The following FAH variants were observed in gnomAD, a reference collection of about 807,000 sequenced individuals.
FAH encodes the protein fumarylacetoacetase.
FAH carries 47 observed loss-of-function variants against 55.8 expected under a neutral mutation model. The ratio of observed to expected loss-of-function variants is 0.84; its 90% CI spans 0.67 to 1.07. The LOEUF (loss-of-function observed/expected upper bound fraction) is 1.07. FAH is among the 50% of genes least tolerant of loss of function. The pLI is 0.00. For missense variants in FAH, 495 were observed against 545.9 expected (o/e 0.91, Z 0.93); for synonymous variants, 199 against 207.7 (o/e 0.96, Z 0.36).
intron 1 of FAH, 77 bp downstream of exon 1, chr15:80,153,212 GGAATGGAGTGGAAT>G: frequency 8.7e-7 from 1 of 1,147,784 alleles, no homozygotes; most frequent in East Asian, 2.4e-5. Flanking sequence ...GGAGTGGAGT[GGAATGGAGTGGAAT>G]GAGGGGCGGG....
At chr15:80,178,606 A>T (rs1392225763) in intron 11 of FAH, among the ~76,000 whole-genome samples, 1 of 143,164 alleles carries the variant, frequency 7.0e-6, no homozygotes. Flanking sequence ...TTTTTTTGAG[A>T]TGGAGTCTCG....
rs528242542 is a variant in FAH, at chr15:80,179,209, G to T, written c.961-915G>T. 7.9e-5 allele frequency among the ~76,000 whole-genome samples: 12 copies of T among 152,282 alleles called. No homozygotes were observed. The South Asian group carries it at 2.5e-3, about 32-fold the overall frequency. On this transcript the variant is annotated intron_variant, in intron 11 of 13. Coordinates refer to ENST00000561421, the MANE Select transcript of FAH (RefSeq NM_000137.4). ...GTGTTTGCCTTTTCGTTCAAACCGT[G>T]CCTGGGATTGTGACTTCAGTTTGCA...
intron 13 of FAH, among the ~76,000 whole-genome samples, chr15:80,185,110 A>G (rs1262338536): frequency 6.6e-6 from 1 of 152,184 alleles, no homozygotes; most frequent in Non-Finnish European, 1.5e-5. Context: ...ATTTCACTGA[A>G]ATATTTAGTC....
At chr15:80,173,406 G>C (rs1029002949) in intron 9 of FAH, 2 of 564,120 alleles carry the variant, frequency 3.5e-6, no homozygotes, top group Non-Finnish European at 6.4e-6. Flanking sequence ...AATCTTGCAA[G>C]ACCCGGGGGA....
chr15:80,177,312 T>C (rs1369702561), intron 10 of FAH: 2 of 582,806 alleles, frequency 3.4e-6, no homozygotes, highest in South Asian at 2.0e-5. Context: ...GATCAATTAA[T>C]GCTGCCTGCT....
intron 12 of FAH, 132 bp from the exon 13 acceptor site, chr15:80,180,910 C>T (rs555718259): frequency 3.7e-5 from 26 of 706,448 alleles, no homozygotes; most frequent in Non-Finnish European, 5.9e-5. Context: ...CCACCAAGGC[C>T]GAGGCAGGGT....
chr15:80,177,535 A>T lies in FAH; in HGVS notation c.914-2A>T. 2.5e-6 allele frequency: 4 copies of T among 1,613,738 alleles called. No individual in the cohort carries two copies. Among genetic ancestry groups the T allele is most frequent in the Non-Finnish European group, 3.4e-6 (4 of 1,179,592 alleles). On this transcript the variant is annotated splice_acceptor_variant, in intron 10 of 13. Transcript: ENST00000561421. LOFTEE classifies it high-confidence loss of function. ...CATCAATATTGCTTTTCTTTCCAACAGGAGAAGGAATGAGCCAGGCGGCTA... is the reference window on the plus strand; with the variant it reads ...CATCAATATTGCTTTTCTTTCCAACTGGAGAAGGAATGAGCCAGGCGGCTA...
rs774774261 is a variant in FAH, at chr15:80,173,135, C to T, written c.828C>T (p.Asn276=). 1.9e-6 allele frequency: 3 copies of T among 1,614,112 alleles called. No individual in the cohort carries two copies. The highest frequency in any genetic ancestry group is 1.7e-6 in the Non-Finnish European group (2 of 1,180,054). The change falls in exon 9 of 14, where the codon AAC becomes AAT. Residue 276 remains asparagine (N), a synonymous_variant. Transcript: ENST00000561421. ...MDALMPFAVP[N]PKQDPRPLPY... is the part of the protein sequence containing the mutation. ...CTCTCATGCCCTTTGCTGTGCCCAA[C>T]CCGAAGCAGGTAAGCACATTCTCTG...
chr15:80,169,131 C>T (rs2041219544), intron 7 of FAH, among the ~76,000 whole-genome samples: 1 of 152,064 alleles, frequency 6.6e-6, no homozygotes, highest in Non-Finnish European at 1.5e-5. Context: ...ACCTGTAATC[C>T]CAGCACTTTG....
In FAH at chr15:80,158,167, T is replaced by C; in HGVS notation, c.189T>C (p.Asn63=). The change falls in exon 2 of 14, where the codon AAT becomes AAC. Residue 63 remains asparagine (N), a synonymous_variant. Coordinates refer to ENST00000561421, the MANE Select transcript of FAH (RefSeq NM_000137.4). ...TCTCCAAACACCAGGATGTCTTCAA[T>C]CAGGTAGGACATTGTGAAACGACTT... The part of the protein sequence containing the change: ...PVLSKHQDVF[N]QPTLNSFMGL... 2.5e-6 allele frequency: 4 copies of C among 1,608,614 alleles called. No individual in the cohort carries two copies. In the South Asian group the frequency reaches 4.4e-5, roughly 18 times the overall value.
In FAH at chr15:80,186,199, T is replaced by G. The variant is rs1354647716; in HGVS notation, c.1250T>G (p.Leu417Arg). ...GCTGGAAAAGTGCTGCCTGCTCTCC[T>G]GCCATCATGAGATTTTCTCTGCTCT... Reference protein sequence around the residue: ...QCAGKVLPALLPS With the variant: ...QCAGKVLPALRPS The change falls in exon 14 of 14, where the codon CTG becomes CGG. Residue 417 changes from leucine (L) to arginine (R), a missense_variant. By Grantham distance (102) the Leu-to-Arg change is moderately radical. Coordinates refer to ENST00000561421, the MANE Select transcript of FAH (RefSeq NM_000137.4). 8 of 1,613,894 alleles carry G rather than the reference T, an allele frequency of 5.0e-6. No homozygotes were observed. Among genetic ancestry groups the G allele is most frequent in the Non-Finnish European group, 6.8e-6 (8 of 1,179,734 alleles).
intron 3 of FAH, 114 bp from the exon 4 acceptor site, chr15:80,160,296 G>T (rs1391237095): frequency 4.2e-5 from 46 of 1,091,110 alleles, no homozygotes; most frequent in Admixed American, 8.5e-5. Context: ...AGGCCAGCCA[G>T]AAGGTGCCCA....
intron 7 of FAH, among the ~76,000 whole-genome samples, chr15:80,168,947 A>T (rs2041218564): frequency 6.6e-6 from 1 of 152,220 alleles, no homozygotes; most frequent in South Asian, 2.1e-4. Context: ...AAGCAGAAAC[A>T]CACATAAAAC....
intron 2 of FAH, 51 bp from the exon 3 acceptor site, chr15:80,159,705 C>T (rs762869553): frequency 6.2e-7 from 1 of 1,612,702 alleles, no homozygotes; most frequent in South Asian, 1.1e-5. Flanking sequence ...AGGAGGGATA[C>T]TCCCTGGGTT....
chr15:80,183,118 C>A (rs1417475759), intron 13 of FAH, among the ~76,000 whole-genome samples: 1 of 152,148 alleles, frequency 6.6e-6, no homozygotes, highest in East Asian at 1.9e-4. Flanking sequence ...TTTGTGTATA[C>A]AACGCCTTAC....
chr15:80,180,938 G>GC, intron 12 of FAH, 104 bp from the exon 13 acceptor site: 1 of 883,258 alleles, frequency 1.1e-6, no homozygotes, highest in South Asian at 1.3e-5. Flanking sequence ...GGGCATGAGG[G>GC]CCCCCTGCCA....
intron 13 of FAH, among the ~76,000 whole-genome samples, chr15:80,183,281 G>A (rs2041344981): frequency 6.6e-6 from 1 of 152,184 alleles, no homozygotes; most frequent in South Asian, 2.1e-4. Context: ...TTGCTAAGAG[G>A]AGAGGCATAC....
At chr15:80,159,324 C>T (rs1184314469) in intron 2 of FAH, among the ~76,000 whole-genome samples, 4 of 151,920 alleles carry the variant, frequency 2.6e-5, no homozygotes, top group South Asian at 2.1e-4. Flanking sequence ...TCCTCCACCT[C>T]GGCCTCCCAA....
chr15:80,177,133 T>A (rs1333354292), intron 10 of FAH, among the ~76,000 whole-genome samples: 2 of 152,234 alleles, frequency 1.3e-5, no homozygotes, highest in African/African-American at 4.8e-5. Flanking sequence ...AGGGGACAGA[T>A]GACCCAGCTA....
Sources: allele counts gnomAD v4.1 joint callset (sites outside exome capture counted in the v4.1 genomes callset), GRCh38; gene constraint gnomAD v4.1.1; transcripts MANE v1.5; gene names NCBI Gene and HGNC (gene_info 2026-07-23, HGNC 2026-07-21).